KCNK2: variants seen among roughly 807,000 people sequenced by gnomAD.
KCNK2 encodes potassium two pore domain channel subfamily K member 2.
KCNK2 carries 21 observed loss-of-function variants against 40.5 expected under a neutral mutation model. The ratio of observed to expected loss-of-function variants is 0.52; its 90% CI spans 0.37 to 0.75. The LOEUF (loss-of-function observed/expected upper bound fraction) is 0.75, where lower values mean the gene tolerates loss of function less well. Among genes scored for constraint, KCNK2 ranks in the 30% least tolerant of loss-of-function variants. The pLI is 0.00. For missense variants in KCNK2, 399 were observed against 531.6 expected, an observed-to-expected ratio of 0.75 and a Z score of 2.45; for synonymous variants, 191 against 202.2, an observed-to-expected ratio of 0.94 and a Z score of 0.47.
At chr1:215,195,396 A>G (rs1389215771) in intron 6 of KCNK2, among the ~76,000 whole-genome samples, 1 of 151,834 alleles carries the variant, frequency 6.6e-6, no homozygotes, top group Admixed American at 6.6e-5. Flanking sequence ...TTTGTTCTCA[A>G]GAGCACAAAA....
intron 6 of KCNK2, among the ~76,000 whole-genome samples, chr1:215,200,960 G>A (rs563377551): frequency 3.3e-5 from 5 of 152,240 alleles, no homozygotes; most frequent in South Asian, 4.1e-4. Context: ...TTGCATCTGC[G>A]TGCCTGGAAT....
intron 5 of KCNK2, among the ~76,000 whole-genome samples, chr1:215,182,532 C>T (rs1664266751): frequency 6.6e-6 from 1 of 152,094 alleles, no homozygotes; most frequent in South Asian, 2.1e-4. Flanking sequence ...CCACTCTGCC[C>T]CTGCCTGCAA....
chr1:215,031,034 G>T (rs12088528), intron 1 of KCNK2, among the ~76,000 whole-genome samples: 1 of 151,844 alleles, frequency 6.6e-6, no homozygotes, highest in Non-Finnish European at 1.5e-5. Flanking sequence ...TTGCTTCATC[G>T]TCGAAGAACT....
At chr1:215,104,217 A>G (rs982224519) in intron 2 of KCNK2, among the ~76,000 whole-genome samples, 1 of 152,094 alleles carries the variant, frequency 6.6e-6, no homozygotes, top group African/African-American at 2.4e-5. Context: ...CTAAGAAAAT[A>G]AACAATTTGG....
chr1:215,065,404 G>GA (rs5780813), intron 1 of KCNK2, among the ~76,000 whole-genome samples: 1,603 of 149,588 alleles, frequency 0.011, 24 homozygotes, highest in South Asian at 0.065. Flanking sequence ...CAAATATTCA[G>GA]AAAAAAAAAA....
Position 215,230,698 on chromosome 1 carries a change from A to C in KCNK2, c.964-4130A>C, listed in dbSNP as rs1271182553. On this transcript the variant is annotated intron_variant, in intron 6 of 6. Transcript: ENST00000444842. ...GGAATCTGAAGCTTAAAGAAGGTTA[A>C]ATTGCATGGCTGTGGGCACACAGAA... 2.0e-5 allele frequency among the ~76,000 whole-genome samples: 3 copies of C among 150,852 alleles called. No homozygotes were observed. In the Admixed American group the frequency reaches 2.0e-4, roughly 10 times the overall value.
chr1:215,005,725 A>T, upstream of KCNK2: 1 of 559,742 alleles, frequency 1.8e-6, no homozygotes. Context: ...TGCATACAGC[A>T]GCGTTTGTTC....
At chr1:215,109,851 G>A (rs1053332249) in intron 2 of KCNK2, among the ~76,000 whole-genome samples, 3 of 152,006 alleles carry the variant, frequency 2.0e-5, no homozygotes, top group Non-Finnish European at 2.9e-5. Flanking sequence ...GTGTATACGA[G>A]TTCCCTTTTT....
At chr1:215,209,463 T>TATATATATATTATATATA (rs1558140238) in intron 6 of KCNK2, among the ~76,000 whole-genome samples, 6 of 5,248 alleles carry the variant, frequency 1.1e-3, no homozygotes, top group Non-Finnish European at 2.4e-3. Flanking sequence ...TTATATATTA[T>TATATATATATTATATATA]ATATAATATA....
chr1:215,094,174 C>A lies in KCNK2; in HGVS notation c.357+7496C>A, dbSNP rs573074970. Among the ~76,000 whole-genome samples, 3 of 151,156 alleles carry A rather than the reference C, an allele frequency of 2.0e-5. No homozygotes were observed. The East Asian group carries it at 5.8e-4, about 29-fold the overall frequency. On this transcript the variant is annotated intron_variant, in intron 2 of 6. Transcript: ENST00000444842. ...TATTTATGGAGAGATAACATGCTGTCCAGAAAGTATCTAAAAAGGCTTTCT... is the reference window on the plus strand; with the variant it reads ...TATTTATGGAGAGATAACATGCTGTACAGAAAGTATCTAAAAAGGCTTTCT...
At chr1:215,170,350 T>C (rs1176816230) in intron 4 of KCNK2, among the ~76,000 whole-genome samples, 2 of 152,138 alleles carry the variant, frequency 1.3e-5, no homozygotes, top group African/African-American at 2.4e-5. Context: ...TGTTAGAATT[T>C]TAAGTGAAAA....
At position 215,083,216 on chromosome 1, in the gene KCNK2, GT is replaced by G; in HGVS notation, c.-169del. On this transcript the variant is annotated 5_prime_UTR_variant, in exon 1 of 7. Transcript: ENST00000444842. ...CGCTCCCCCCCCCGCCCCCTCCCGCGTCCAGCCCCGCTCTCCCCACCTTGTA... is the reference window on the plus strand; with the variant it reads ...CGCTCCCCCCCCCGCCCCCTCCCGCGCCAGCCCCGCTCTCCCCACCTTGTA... 1.8e-5 allele frequency: 8 copies of G among 449,698 alleles called. No individual in the cohort carries two copies. The highest frequency in any genetic ancestry group is 1.5e-4 in the East Asian group (2 of 13,386). The allele number at this position is 449,698 out of a possible 1,614,324, so 27.9% of individuals were successfully genotyped here.
chr1:215,157,245 C>G (rs1410960306), intron 3 of KCNK2, among the ~76,000 whole-genome samples: 1 of 152,192 alleles, frequency 6.6e-6, no homozygotes, highest in African/African-American at 2.4e-5. Flanking sequence ...AAGGCTGAAT[C>G]TGTCTCAGAG....
intron 1 of KCNK2, among the ~76,000 whole-genome samples, chr1:215,045,414 C>G (rs1657733281): frequency 6.6e-6 from 1 of 152,146 alleles, no homozygotes. Context: ...CTGGAGGAAT[C>G]TAATTTCATT....
chr1:215,160,599 A>G (rs1321388539), intron 3 of KCNK2, among the ~76,000 whole-genome samples: 1 of 152,178 alleles, frequency 6.6e-6, no homozygotes, highest in East Asian at 1.9e-4. Flanking sequence ...CCTTTCAAAA[A>G]TAGCTGGTAA....
intron 6 of KCNK2, among the ~76,000 whole-genome samples, chr1:215,216,616 A>G (rs1048346781): frequency 6.6e-6 from 1 of 151,296 alleles, no homozygotes; most frequent in African/African-American, 2.4e-5. Context: ...TAATTTTCTA[A>G]TAGTCTTACT....
intron 1 of KCNK2, among the ~76,000 whole-genome samples, chr1:215,069,720 A>G (rs1192548182): frequency 6.6e-6 from 1 of 152,204 alleles, no homozygotes; most frequent in African/African-American, 2.4e-5. Context: ...ACAACTAACA[A>G]TTGGCTGGGC....
chr1:215,234,785 G>A (rs1312918159), intron 6 of KCNK2, 43 bp from the exon 7 acceptor site: 3 of 1,500,864 alleles, frequency 2.0e-6, no homozygotes, highest in African/African-American at 1.4e-5. Context: ...AATGTTGATC[G>A]GCATGTCAAT....
chr1:215,035,176 G>A (rs1277473856), intron 1 of KCNK2, among the ~76,000 whole-genome samples: 1 of 152,092 alleles, frequency 6.6e-6, no homozygotes, highest in Non-Finnish European at 1.5e-5. Context: ...TAAGTCAAAA[G>A]CATTTTTACC....
Sources: gnomAD v4.1 joint callset for allele counts (sites outside exome capture counted in the v4.1 genomes callset) on GRCh38, gnomAD v4.1.1 for gene constraint, MANE v1.5 for transcripts, NCBI Gene and HGNC (gene_info 2026-07-23, HGNC 2026-07-21) for gene names.